MMP16: variants seen among roughly 807,000 people sequenced by gnomAD.
MMP16 encodes matrix metalloproteinase-16.
Under a neutral mutation model 67.8 loss-of-function variants are expected in MMP16, and 12 were observed. That is an observed-to-expected ratio of 0.18 (90% confidence interval 0.11 to 0.29). The LOEUF (loss-of-function observed/expected upper bound fraction) is 0.29. Among genes scored for constraint, MMP16 ranks in the 10% least tolerant of loss-of-function variants. The probability of loss-of-function intolerance (pLI) is 1.00; values close to 1 mark genes in which losing one functional copy is unlikely to be tolerated. For synonymous variants in MMP16, 249 were observed against 255.9 expected (o/e 0.97, Z 0.26); for missense variants, 475 against 765.7 (o/e 0.62, Z 4.48).
intron 1 of MMP16, among the ~76,000 whole-genome samples, chr8:88,270,211 C>G (rs1403546285): frequency 1.3e-5 from 2 of 152,126 alleles, no homozygotes; most frequent in African/African-American, 4.8e-5. Context: ...TGCAGTAACT[C>G]TCAAGTAGAA....
At chr8:88,306,159 C>G (rs1157828988) in intron 1 of MMP16, among the ~76,000 whole-genome samples, 1 of 152,038 alleles carries the variant, frequency 6.6e-6, no homozygotes, top group African/African-American at 2.4e-5. Flanking sequence ...CTATAAACAC[C>G]TTTATGCACA....
At chr8:88,223,094 G>C (rs1809711889) in intron 1 of MMP16, among the ~76,000 whole-genome samples, 1 of 152,144 alleles carries the variant, frequency 6.6e-6, no homozygotes, top group South Asian at 2.1e-4. Flanking sequence ...GTGAAAAAAT[G>C]CTCATCATCA....
chr8:88,181,480 T>A (rs1010115383), intron 3 of MMP16, among the ~76,000 whole-genome samples: 9 of 151,804 alleles, frequency 5.9e-5, no homozygotes, highest in Admixed American at 3.9e-4. Context: ...TATCAAAATA[T>A]GCATATGAGG....
chr8:88,051,346 G>T (rs1240929803), intron 8 of MMP16, among the ~76,000 whole-genome samples: 1 of 152,034 alleles, frequency 6.6e-6, no homozygotes, highest in Non-Finnish European at 1.5e-5. Flanking sequence ...AACCATTTGG[G>T]GGGTTTAAAA....
At chr8:88,312,151 G>C (rs1337968036) in intron 1 of MMP16, among the ~76,000 whole-genome samples, 1 of 152,138 alleles carries the variant, frequency 6.6e-6, no homozygotes, top group Non-Finnish European at 1.5e-5. Context: ...GGGAATACAG[G>C]CTAGAGCTGA....
intron 4 of MMP16, among the ~76,000 whole-genome samples, chr8:88,133,784 CTAAT>C (rs1402730481): frequency 1.3e-5 from 2 of 151,764 alleles, no homozygotes; most frequent in Non-Finnish European, 2.9e-5. Flanking sequence ...CTGGTTTTCT[CTAAT>C]TATCATGGTT....
chr8:88,193,622 C>G (rs546846773), intron 2 of MMP16, among the ~76,000 whole-genome samples: 73 of 152,052 alleles, frequency 4.8e-4, no homozygotes, highest in African/African-American at 1.6e-3. Flanking sequence ...ATGGCAAATG[C>G]TTGAGGTGAT....
chr8:88,240,553 A>G (rs1180875256), intron 1 of MMP16, among the ~76,000 whole-genome samples: 1 of 152,200 alleles, frequency 6.6e-6, no homozygotes, highest in South Asian at 2.1e-4. Flanking sequence ...ATTGAGAAGT[A>G]TACAAGGCTT....
intron 4 of MMP16, among the ~76,000 whole-genome samples, chr8:88,154,567 G>A (rs901204185): frequency 2.0e-5 from 3 of 151,584 alleles, no homozygotes; most frequent in African/African-American, 7.3e-5. Flanking sequence ...GTCCTTTGTA[G>A]GGACATGGAT....
intron 1 of MMP16, among the ~76,000 whole-genome samples, chr8:88,237,603 C>A (rs1249036024): frequency 6.6e-6 from 1 of 151,716 alleles, no homozygotes; most frequent in African/African-American, 2.4e-5. Flanking sequence ...GAACCGAGAT[C>A]GCGCCACAGC....
intron 1 of MMP16, among the ~76,000 whole-genome samples, chr8:88,239,866 A>G (rs991020927): frequency 2.0e-5 from 3 of 152,242 alleles, no homozygotes; most frequent in African/African-American, 7.2e-5. Flanking sequence ...TATAAGAACT[A>G]ATATGCTCTA....
intron 8 of MMP16, among the ~76,000 whole-genome samples, chr8:88,050,255 G>A (rs1209074539): frequency 6.6e-6 from 1 of 151,750 alleles, no homozygotes; most frequent in Non-Finnish European, 1.5e-5. Flanking sequence ...CCCAGGAGGC[G>A]AAGGTTGCAG....
rs1808075690 is a variant in MMP16 at position 88,037,870 on chromosome 8, AG to A, written c.*3590del. On this transcript the variant is annotated 3_prime_UTR_variant, in exon 10 of 10. Transcript: ENST00000286614. ...ATAAAGTAATGAGAAATGAAGCAGA[AG>A]GAGAATTATTTTTGCAGGCATGAAT... 1 of 152,040 alleles carries A rather than the reference AG, an allele frequency of 6.6e-6. No homozygotes were observed. The highest frequency in any genetic ancestry group is 1.5e-5 in the Non-Finnish European group (1 of 67,922). The allele number at this position is 152,040 out of a possible 1,614,324, so 9.4% of individuals were successfully genotyped here.
At chr8:88,194,379 T>G (rs1809218659) in intron 2 of MMP16, among the ~76,000 whole-genome samples, 1 of 152,166 alleles carries the variant, frequency 6.6e-6, no homozygotes, top group South Asian at 2.1e-4. Context: ...ATGTAATAAG[T>G]GTCAGATAAA....
intron 3 of MMP16, among the ~76,000 whole-genome samples, chr8:88,168,522 ATGTAT>A (rs1403222138): frequency 6.6e-6 from 1 of 152,206 alleles, no homozygotes; most frequent in Non-Finnish European, 1.5e-5. Context: ...CTAGTTAAAA[ATGTAT>A]TGTGAGTAAA....
rs1366969571 is a variant in MMP16, at chr8:88,151,820, A to C, written c.709+15849T>G. On this transcript the variant is annotated intron_variant, in intron 4 of 9. Transcript: ENST00000286614. Reference sequence around the variant, plus strand: ...TTAAAAGAACTAGAAAAGCAAGAGCAAACACATTCAAAAGCTAGCAGAAGG... The same window carrying C: ...TTAAAAGAACTAGAAAAGCAAGAGCCAACACATTCAAAAGCTAGCAGAAGG... Among the ~76,000 whole-genome samples, 22 of 139,796 alleles carry C rather than the reference A, an allele frequency of 1.6e-4. 1 individual carries two copies. Among genetic ancestry groups the C allele is most frequent in the African/African-American group, 5.7e-4 (21 of 36,804 alleles). 91.7% of individuals were successfully genotyped at this position (139,796 alleles called of 152,430 possible).
chr8:88,142,695 T>A, intron 4 of MMP16, among the ~76,000 whole-genome samples: 1 of 152,114 alleles, frequency 6.6e-6, no homozygotes, highest in Non-Finnish European at 1.5e-5. Context: ...AATAAACTGT[T>A]TTAATATTTA....
chr8:88,263,586 G>T (rs1341086745), intron 1 of MMP16, among the ~76,000 whole-genome samples: 1 of 152,074 alleles, frequency 6.6e-6, no homozygotes, highest in Non-Finnish European at 1.5e-5. Flanking sequence ...CGCAAGGAAA[G>T]CATCTATTCC....
chr8:88,074,833 TG>T (rs1290287084), intron 6 of MMP16, 90 bp from the exon 7 acceptor site: 1 of 1,459,674 alleles, frequency 6.9e-7, no homozygotes, highest in Non-Finnish European at 9.3e-7. Context: ...GAAATCAAGC[TG>T]GTTTCCTTAT....
Sources: gnomAD v4.1 joint callset for allele counts (sites outside exome capture counted in the v4.1 genomes callset) on GRCh38, gnomAD v4.1.1 for gene constraint, MANE v1.5 for transcripts, NCBI Gene and HGNC (gene_info 2026-07-23, HGNC 2026-07-21) for gene names.